The following GABRB3 variants were observed in gnomAD, a reference collection of about 807,000 sequenced individuals.
The protein encoded by GABRB3 is gamma-aminobutyric acid receptor subunit beta-3.
A neutral mutation model predicts 52.1 loss-of-function variants in GABRB3; 14 were observed. The observed-to-expected ratio is 0.27, with a 90% CI of 0.18 to 0.42. The LOEUF (loss-of-function observed/expected upper bound fraction) is 0.42. GABRB3 is among the 10% of genes least tolerant of loss of function. The pLI is 1.00. For synonymous variants in GABRB3, 260 were observed against 232.3 expected (o/e 1.12, Z -1.08); for missense variants, 307 against 609.1 (o/e 0.50, Z 5.22).
chr15:26,753,642 T>C (rs28626692), intron 3 of GABRB3, among the ~76,000 whole-genome samples: 12,812 of 152,258 alleles, frequency 0.084, 752 homozygotes, highest in East Asian at 0.29. Flanking sequence ...GCAAAGGGAT[T>C]GGCCAGTCTC....
chr15:26,704,509 T>C (rs978022505), intron 3 of GABRB3, among the ~76,000 whole-genome samples: 2 of 152,230 alleles, frequency 1.3e-5, no homozygotes, highest in Admixed American at 6.5e-5. Context: ...CACATTTTTT[T>C]AGTCTTTAAA....
intron 3 of GABRB3, among the ~76,000 whole-genome samples, chr15:26,648,238 C>T (rs1481952126): frequency 6.6e-6 from 1 of 152,192 alleles, no homozygotes; most frequent in Non-Finnish European, 1.5e-5. Flanking sequence ...AGTCACATAG[C>T]GTTTGTCCTT....
At chr15:26,751,365 T>C (rs1443686072) in intron 3 of GABRB3, among the ~76,000 whole-genome samples, 2 of 152,138 alleles carry the variant, frequency 1.3e-5, no homozygotes, top group Admixed American at 1.3e-4. Flanking sequence ...TCCAGAACAA[T>C]TGCAGAGGGA....
At chr15:26,563,789 C>T (rs1567109139) in intron 7 of GABRB3, among the ~76,000 whole-genome samples, 1 of 152,122 alleles carries the variant, frequency 6.6e-6, no homozygotes, top group Non-Finnish European at 1.5e-5. Flanking sequence ...TGGTGGCTTT[C>T]GTGTTTTTTT....
intron 3 of GABRB3, among the ~76,000 whole-genome samples, chr15:26,741,994 T>C (rs1890220326): frequency 6.6e-6 from 1 of 152,220 alleles, no homozygotes; most frequent in African/African-American, 2.4e-5. Flanking sequence ...ATCATGTAAA[T>C]ATTTTCGGAG....
intron 3 of GABRB3, among the ~76,000 whole-genome samples, chr15:26,752,229 T>TTTTA (rs3078706): frequency 0.11 from 15,813 of 140,242 alleles, 1,066 homozygotes; most frequent in East Asian, 0.21. Context: ...GCTCTCTTTA[T>TTTTA]TTTATTTATT....
At chr15:26,654,860 C>T (rs1007017819) in intron 3 of GABRB3, among the ~76,000 whole-genome samples, 1 of 151,938 alleles carries the variant, frequency 6.6e-6, no homozygotes, top group Non-Finnish European at 1.5e-5. Flanking sequence ...GAGACAGGGT[C>T]TCACTTCCGT....
At chr15:26,691,002 A>C (rs1888571347) in intron 3 of GABRB3, among the ~76,000 whole-genome samples, 4 of 145,288 alleles carry the variant, frequency 2.8e-5, no homozygotes, top group East Asian at 2.1e-4. Context: ...CTCCCCACTC[A>C]CTCCCCCTCC....
intron 3 of GABRB3, among the ~76,000 whole-genome samples, chr15:26,761,314 G>C (rs1002972464): frequency 6.6e-6 from 1 of 151,770 alleles, no homozygotes; most frequent in African/African-American, 2.4e-5. Context: ...AGAATCACTT[G>C]AACCCGGGAG....
intron 3 of GABRB3, among the ~76,000 whole-genome samples, chr15:26,649,621 T>G (rs1887130786): frequency 6.8e-6 from 1 of 147,434 alleles, no homozygotes; most frequent in Non-Finnish European, 1.5e-5. Context: ...AAGGAAAATG[T>G]GCTGAGCCCA....
At position 26,752,661 on chromosome 15, in the gene GABRB3, A is replaced by G. The variant is rs541539745; in HGVS notation, c.240+19741T>C. ...CCACATCAGGCCTTGATGTGTCTAC[A>G]CGTTGTGGAATGGTATAATCAAGCG... On this transcript the variant is annotated intron_variant, in intron 3 of 8. Transcript: ENST00000311550. Among the ~76,000 whole-genome samples the G allele has an allele frequency of 2.0e-5, 3 of 152,294 alleles. No individual in the cohort carries two copies. The East Asian group carries it at 5.8e-4, about 29-fold the overall frequency.
intron 5 of GABRB3, 121 bp downstream of exon 5, chr15:26,583,211 G>T: frequency 2.7e-6 from 2 of 746,856 alleles, no homozygotes; most frequent in Non-Finnish European, 4.8e-6. Context: ...TTCTCTCTCT[G>T]TGTCTTCCCC....
At chr15:26,599,381 A>C (rs777688280) in intron 4 of GABRB3, among the ~76,000 whole-genome samples, 8 of 152,194 alleles carry the variant, frequency 5.3e-5, no homozygotes, top group Admixed American at 3.9e-4. Context: ...CACCCATCCT[A>C]AACAGTGACC....
At chr15:26,673,486 C>T (rs1003671028) in intron 3 of GABRB3, among the ~76,000 whole-genome samples, 1 of 152,190 alleles carries the variant, frequency 6.6e-6, no homozygotes, top group African/African-American at 2.4e-5. Context: ...GCTTCATCCC[C>T]TAAGGTACTT....
chr15:26,733,224 G>T (rs1286759664), intron 3 of GABRB3, among the ~76,000 whole-genome samples: 1 of 152,100 alleles, frequency 6.6e-6, no homozygotes, highest in African/African-American at 2.4e-5. Flanking sequence ...TCCCTTTATG[G>T]ATGATATGAT....
chr15:26,763,011 C>T (rs1025713808), intron 3 of GABRB3, among the ~76,000 whole-genome samples: 3 of 152,208 alleles, frequency 2.0e-5, no homozygotes, highest in African/African-American at 7.2e-5. Flanking sequence ...GAATATCGCA[C>T]AATCAATCCA....
At chr15:26,637,500 A>G (rs1255762271) in intron 3 of GABRB3, among the ~76,000 whole-genome samples, 1 of 152,202 alleles carries the variant, frequency 6.6e-6, no homozygotes, top group Non-Finnish European at 1.5e-5. Context: ...AGCATCTAGG[A>G]TGGTGCTGAG....
intron 3 of GABRB3, among the ~76,000 whole-genome samples, chr15:26,664,660 G>A (rs752917718): frequency 7.3e-5 from 11 of 151,128 alleles, no homozygotes; most frequent in Non-Finnish European, 1.3e-4. Context: ...ACGGTAATGG[G>A]GTACCCATCA....
At chr15:26,667,409 G>A (rs1160006541) in intron 3 of GABRB3, among the ~76,000 whole-genome samples, 1 of 152,132 alleles carries the variant, frequency 6.6e-6, no homozygotes, top group Non-Finnish European at 1.5e-5. Flanking sequence ...GCGGCCACCG[G>A]ATGGAGTGCA....
Sources: allele counts gnomAD v4.1 joint callset (sites outside exome capture counted in the v4.1 genomes callset), GRCh38; gene constraint gnomAD v4.1.1; transcripts MANE v1.5; gene names NCBI Gene and HGNC (gene_info 2026-07-23, HGNC 2026-07-21).